GEMIN8: variants seen among roughly 807,000 people sequenced by gnomAD.
GEMIN8 encodes gem nuclear organelle associated protein 8, also known as gem-associated protein 8.
For synonymous variants in GEMIN8, 80 were observed against 78.5 expected, an observed-to-expected ratio of 1.02 and a Z score of -0.10; for missense variants, 185 against 205.9, an observed-to-expected ratio of 0.90 and a Z score of 0.62.
chrX:14,000,948 T>A, the GEMIN8 span, among the ~76,000 whole-genome samples: 1 of 111,562 alleles, frequency 9.0e-6, no homozygotes, highest in Non-Finnish European at 1.9e-5. Flanking sequence ...TCCCCATCTA[T>A]CCACTGAAAT....
intron 4 of GEMIN8, among the ~76,000 whole-genome samples, chrX:14,015,979 C>A (rs775812919): frequency 1.1e-5 from 1 of 92,594 alleles, no homozygotes; most frequent in South Asian, 5.1e-4. Flanking sequence ...TTCCATCATT[C>A]ATTACCGCTT....
the GEMIN8 span, among the ~76,000 whole-genome samples, chrX:13,993,438 ATACTT>A: frequency 2.2e-5 from 2 of 91,666 alleles, no homozygotes; most frequent in Non-Finnish European, 4.4e-5. Flanking sequence ...TTTGTTGTGT[ATACTT>A]TTTTTTTTTT....
Position 14,019,315 on chromosome X carries a change from G to A in GEMIN8, c.472+763C>T, listed in dbSNP as rs145666685. Among the ~76,000 whole-genome samples the A allele has an allele frequency of 4.5e-4, 50 of 112,350 alleles. No homozygotes were observed. In the East Asian group the frequency reaches 0.013, roughly 29 times the overall value. On this transcript the variant is annotated intron_variant, in intron 4 of 4. Coordinates refer to ENST00000680255, the MANE Select transcript of GEMIN8 (RefSeq NM_001042479.2). Reference sequence around the variant, plus strand: ...TGGTCTGGTGAATTTTAATAGGAGAGCACAAAAGCTGTTCTAGTTCTTTCT... The same window carrying A: ...TGGTCTGGTGAATTTTAATAGGAGAACACAAAAGCTGTTCTAGTTCTTTCT...
the GEMIN8 span, among the ~76,000 whole-genome samples, chrX:13,993,605 A>G: frequency 6.4e-5 from 7 of 108,865 alleles, no homozygotes; most frequent in African/African-American, 2.3e-4. Flanking sequence ...AATTTTTTTT[A>G]TAGAGATGAG....
the GEMIN8 span, among the ~76,000 whole-genome samples, chrX:13,997,356 A>G: frequency 9.0e-6 from 1 of 111,277 alleles, no homozygotes; most frequent in Non-Finnish European, 1.9e-5. Flanking sequence ...GCAGATAACC[A>G]TAAGACAGCC....
intron 4 of GEMIN8, among the ~76,000 whole-genome samples, chrX:14,011,735 C>T (rs975064883): frequency 9.1e-6 from 1 of 110,422 alleles, no homozygotes; most frequent in African/African-American, 3.3e-5. Flanking sequence ...TGCATAAATC[C>T]GAGTCTTTGA....
chrX:14,013,405 T>A (rs777357324), intron 4 of GEMIN8, among the ~76,000 whole-genome samples: 2 of 112,561 alleles, frequency 1.8e-5, no homozygotes, highest in South Asian at 7.3e-4. Flanking sequence ...GAATCAGAAA[T>A]CTTTTTTGAT....
chrX:14,015,696 AT>A (rs1430745442), intron 4 of GEMIN8, among the ~76,000 whole-genome samples: 1 of 112,494 alleles, frequency 8.9e-6, no homozygotes, highest in East Asian at 2.8e-4. Flanking sequence ...ATTTAGTGAC[AT>A]TTCCTCTTGC....
chrX:14,004,495 AG>A, downstream of GEMIN8, among the ~76,000 whole-genome samples: 1 of 112,453 alleles, frequency 8.9e-6, no homozygotes, highest in East Asian at 2.8e-4. Flanking sequence ...GCCCTTCAAT[AG>A]GGTGGACCAA....
chrX:13,989,383 G>A, the GEMIN8 span, among the ~76,000 whole-genome samples: 2 of 111,643 alleles, frequency 1.8e-5, no homozygotes, highest in African/African-American at 3.3e-5. Flanking sequence ...CATTACAGGC[G>A]TGAGCCACTG....
chrX:13,988,060 G>C, the GEMIN8 span, among the ~76,000 whole-genome samples: 4 of 111,745 alleles, frequency 3.6e-5, no homozygotes, highest in Non-Finnish European at 7.5e-5. Context: ...GGCTGGTTTA[G>C]AGCAATCATG....
At chrX:13,984,934 G>A in the GEMIN8 span, among the ~76,000 whole-genome samples, 6 of 111,460 alleles carry the variant, frequency 5.4e-5, no homozygotes, top group African/African-American at 9.8e-5. Context: ...CTGCTTCCAC[G>A]GCTTTGAAGA....
rs1376448959 is a variant in GEMIN8 at position 14,009,012 on chromosome X, G to A, written c.630C>T (p.Ala210=). The part of the protein sequence containing the change: ...EMKRLYGDSA[A]KIQAMEAAVQ... ...CCGCGGCCTCCATGGCTTGGATCTT[G>A]GCAGCACTGTCCCCGTACAAACGCT... is the stretch of plus-strand genomic sequence containing the variant. The change falls in exon 5 of 5, where the codon GCC becomes GCT. Residue 210 remains alanine (A), a synonymous_variant. Coordinates refer to ENST00000680255, the MANE Select transcript of GEMIN8 (RefSeq NM_001042479.2). The A allele has an allele frequency of 1.7e-6, 2 of 1,210,010 alleles. No individual in the cohort carries two copies. Among genetic ancestry groups the A allele is most frequent in the Non-Finnish European group, 2.2e-6 (2 of 894,831 alleles).
At chrX:14,021,736 T>C (rs1169436585) in intron 2 of GEMIN8, among the ~76,000 whole-genome samples, 1 of 103,721 alleles carries the variant, frequency 9.6e-6, no homozygotes, top group Non-Finnish European at 1.9e-5. Context: ...AGATCCTGCA[T>C]GGTTCAATTA....
At chrX:13,998,566 A>G in the GEMIN8 span, among the ~76,000 whole-genome samples, 3 of 111,016 alleles carry the variant, frequency 2.7e-5, no homozygotes, top group African/African-American at 9.8e-5. Context: ...GAGTCAATTA[A>G]ACATATTTTT....
chrX:13,989,436 G>GT, the GEMIN8 span, among the ~76,000 whole-genome samples: 1 of 111,889 alleles, frequency 8.9e-6, no homozygotes, highest in Non-Finnish European at 1.9e-5. Context: ...TATTATTAGT[G>GT]TTTTTAAAAA....
chrX:14,017,401 T>C (rs189323769), intron 4 of GEMIN8, among the ~76,000 whole-genome samples: 15 of 112,501 alleles, frequency 1.3e-4, no homozygotes, highest in African/African-American at 4.8e-4. Flanking sequence ...AATACAGTTT[T>C]TTCAGACAGA....
At chrX:14,004,923 G>T (rs972023478), downstream of GEMIN8, among the ~76,000 whole-genome samples, 7 of 111,184 alleles carry the variant, frequency 6.3e-5, no homozygotes, top group Admixed American at 1.9e-4. Flanking sequence ...CACTCTTATT[G>T]TAATTAGTGG....
chrX:14,011,043 C>T (rs188639159), intron 4 of GEMIN8, among the ~76,000 whole-genome samples: 230 of 111,997 alleles, frequency 2.1e-3, no homozygotes, highest in African/African-American at 6.7e-3. Flanking sequence ...ACTCGACAAC[C>T]GCCATGACAG....
Sources: gnomAD v4.1 joint callset for allele counts (sites outside exome capture counted in the v4.1 genomes callset) on GRCh38, gnomAD v4.1.1 for gene constraint, MANE v1.5 for transcripts, NCBI Gene and HGNC (gene_info 2026-07-23, HGNC 2026-07-21) for gene names.